The following DLGAP2 variants were observed in gnomAD, a reference collection of about 807,000 sequenced individuals.
DLGAP2 encodes the protein disks large-associated protein 2.
DLGAP2 carries 26 observed loss-of-function variants against 100.3 expected under a neutral mutation model. The ratio of observed to expected loss-of-function variants is 0.26; its 90% CI spans 0.19 to 0.36. DLGAP2 has a LOEUF of 0.36. Among genes scored for constraint, DLGAP2 ranks in the 10% least tolerant of loss-of-function variants. DLGAP2 has a pLI of 1.00. For missense variants in DLGAP2, 1,858 were observed against 1,453.2 expected (o/e 1.28, Z -4.53); for synonymous variants, 886 against 630.1 (o/e 1.41, Z -6.08).
intron 4 of DLGAP2, among the ~76,000 whole-genome samples, chr8:1,526,584 C>T (rs570734169): frequency 6.6e-6 from 1 of 152,168 alleles, no homozygotes; most frequent in Non-Finnish European, 1.5e-5. Flanking sequence ...CCGAGGAGGA[C>T]GGTGGTGAGT....
At chr8:1,228,766 A>G (rs1486153207) in intron 2 of DLGAP2, among the ~76,000 whole-genome samples, 2 of 152,224 alleles carry the variant, frequency 1.3e-5, no homozygotes, top group Non-Finnish European at 2.9e-5. Flanking sequence ...AACTGGAAAT[A>G]GAAGAGAAAT....
intron 2 of DLGAP2, among the ~76,000 whole-genome samples, chr8:1,069,335 G>T (rs761700342): frequency 2.0e-5 from 3 of 152,142 alleles, no homozygotes; most frequent in African/African-American, 7.2e-5. Flanking sequence ...ACAGACCTGC[G>T]GCCCGTGGAC....
chr8:1,039,932 ATGGTCGGCTCAGTTTCCG>A (rs1802273282), intron 2 of DLGAP2, among the ~76,000 whole-genome samples: 1 of 79,134 alleles, frequency 1.3e-5, no homozygotes, highest in Non-Finnish European at 2.6e-5. Context: ...CTCGGTGTGC[ATGGTCGGCTCAGTTTCCG>A]TGGTCAGCTC....
chr8:1,484,883 C>T (rs1209757594), intron 3 of DLGAP2, among the ~76,000 whole-genome samples: 1 of 152,174 alleles, frequency 6.6e-6, no homozygotes, highest in Non-Finnish European at 1.5e-5. Context: ...GTCTCTCAGC[C>T]TTTCAGCCCC....
intron 1 of DLGAP2, chr8:738,525 G>C (rs1357406929): frequency 6.6e-6 from 1 of 152,332 alleles, no homozygotes; most frequent in Admixed American, 6.5e-5. Flanking sequence ...GCAGGGTTTT[G>C]TAACTAAGCC....
At chr8:921,712 G>A (rs542293077) in intron 2 of DLGAP2, among the ~76,000 whole-genome samples, 72 of 152,378 alleles carry the variant, frequency 4.7e-4, no homozygotes, top group Non-Finnish European at 7.6e-4. Flanking sequence ...CACCCAGGTG[G>A]CTGCGCTGCT....
intron 6 of DLGAP2, among the ~76,000 whole-genome samples, chr8:1,591,202 G>C (rs539453450): frequency 4.6e-5 from 7 of 152,076 alleles, no homozygotes; most frequent in Non-Finnish European, 4.4e-5. Context: ...TCAAAGTTCT[G>C]TTCTTCCCTT....
chr8:1,684,413 T>C (rs1262088685), intron 12 of DLGAP2, among the ~76,000 whole-genome samples: 1 of 152,074 alleles, frequency 6.6e-6, no homozygotes. Flanking sequence ...GTCCTAATTT[T>C]AGGAGCAGAT....
chr8:1,255,214 CA>C (rs2116892914), intron 2 of DLGAP2, among the ~76,000 whole-genome samples: 1 of 79,646 alleles, frequency 1.3e-5, no homozygotes, highest in African/African-American at 8.3e-5. Context: ...TGTGCCCTCT[CA>C]TCCTGCCTGG....
Position 1,057,551 on chromosome 8 carries a change from A to G in DLGAP2, c.73+149585A>G, listed in dbSNP as rs575169572. On this transcript the variant is annotated intron_variant, in intron 2 of 14. Coordinates refer to ENST00000637795, the MANE Select transcript of DLGAP2 (RefSeq NM_001346810.2). ...GTCTCTCTAACTTACTGGCTGTGCTATCTCTTGATTTCTTATGTCTATCTA... is the reference window on the plus strand; with the variant it reads ...GTCTCTCTAACTTACTGGCTGTGCTGTCTCTTGATTTCTTATGTCTATCTA... Among the ~76,000 whole-genome samples, 131 of 152,334 alleles carry G rather than the reference A, an allele frequency of 8.6e-4. 1 individual carries two copies. The highest frequency in any genetic ancestry group is 3.0e-3 in the African/African-American group (126 of 41,568).
At chr8:1,545,075 C>G (rs1801489183) in intron 4 of DLGAP2, among the ~76,000 whole-genome samples, 1 of 152,084 alleles carries the variant, frequency 6.6e-6, no homozygotes, top group Non-Finnish European at 1.5e-5. Context: ...GGATATTAAT[C>G]TATAGTTTTC....
intron 7 of DLGAP2, among the ~76,000 whole-genome samples, chr8:1,628,692 T>C (rs556333904): frequency 1.4e-5 from 2 of 147,730 alleles, no homozygotes; most frequent in Non-Finnish European, 3.0e-5. Flanking sequence ...TGACCTCACA[T>C]TCTCTCTGAC....
intron 1 of DLGAP2, among the ~76,000 whole-genome samples, chr8:800,017 T>A (rs1012802578): frequency 4.6e-5 from 7 of 152,200 alleles, no homozygotes; most frequent in African/African-American, 1.7e-4. Flanking sequence ...AGAAGCAGCG[T>A]ACCGAGAAAA....
At chr8:956,750 C>A (rs1799606968) in intron 2 of DLGAP2, among the ~76,000 whole-genome samples, 1 of 152,202 alleles carries the variant, frequency 6.6e-6, no homozygotes, top group Non-Finnish European at 1.5e-5. Context: ...CCAATCTGTC[C>A]TGAGGTCTAA....
At chr8:1,417,718 A>G (rs1425229328) in intron 3 of DLGAP2, among the ~76,000 whole-genome samples, 1 of 147,612 alleles carries the variant, frequency 6.8e-6, no homozygotes, top group Non-Finnish European at 1.5e-5. Context: ...TCACTCGGCG[A>G]GGCTCCAGAC....
At chr8:843,704 T>G (rs566976993) in intron 1 of DLGAP2, among the ~76,000 whole-genome samples, 2 of 152,316 alleles carry the variant, frequency 1.3e-5, no homozygotes, top group South Asian at 4.1e-4. Flanking sequence ...TGTGATATGA[T>G]TGGTCTGGGA....
chr8:1,170,071 T>A (rs1797096396), intron 2 of DLGAP2, among the ~76,000 whole-genome samples: 1 of 152,156 alleles, frequency 6.6e-6, no homozygotes, highest in South Asian at 2.1e-4. Flanking sequence ...ATACCTAATT[T>A]ATTGAGAGTT....
chr8:1,480,223 G>C (rs925703337), intron 3 of DLGAP2, among the ~76,000 whole-genome samples: 1 of 152,282 alleles, frequency 6.6e-6, no homozygotes, highest in African/African-American at 2.4e-5. Context: ...GGGGCTAGAT[G>C]TAGGTTTTCA....
chr8:1,029,794 C>T (rs916131282), intron 2 of DLGAP2, among the ~76,000 whole-genome samples: 11 of 152,128 alleles, frequency 7.2e-5, no homozygotes, highest in Admixed American at 5.2e-4. Flanking sequence ...ACCAAAAATG[C>T]GTCCTTGTCT....
Sources: allele counts gnomAD v4.1 joint callset (sites outside exome capture counted in the v4.1 genomes callset), GRCh38; gene constraint gnomAD v4.1.1; transcripts MANE v1.5; gene names NCBI Gene and HGNC (gene_info 2026-07-23, HGNC 2026-07-21).